SYNE2: variants seen among roughly 807,000 people sequenced by gnomAD.
SYNE2 encodes nesprin-2.
A neutral mutation model predicts 856.3 loss-of-function variants in SYNE2; 431 were observed. The ratio of observed to expected loss-of-function variants is 0.50; its 90% CI spans 0.47 to 0.55. The LOEUF is 0.55. Ranked by LOEUF, SYNE2 falls within the 20% of genes least tolerant of loss-of-function variation. SYNE2 has a pLI of 0.00. For missense variants in SYNE2, 8,129 were observed against 8,023.2 expected, an observed-to-expected ratio of 1.01 and a Z score of -0.50; for synonymous variants, 2,923 against 2,872.3, an observed-to-expected ratio of 1.02 and a Z score of -0.56.
Position 64,170,212 on chromosome 14 carries a change from ATT to A in SYNE2, c.17001-14_17001-13del. 6.2e-7 allele frequency: 1 copy of A among 1,611,486 alleles called. No individual in the cohort carries two copies. Among genetic ancestry groups the A allele is most frequent in the Non-Finnish European group, 8.5e-7 (1 of 1,178,440 alleles). ...ATGTCGATGTCTGGATTCTATAACC[ATT>A]TGTTTTTCCCCAGACCAGAATTTAT... On this transcript the variant is annotated splice_polypyrimidine_tract_variant and intron_variant, in intron 93 of 115. Transcript: ENST00000555002.
upstream of SYNE2, among the ~76,000 whole-genome samples, chr14:63,848,941 A>T (rs1322706155): frequency 6.6e-6 from 1 of 152,210 alleles, no homozygotes; most frequent in African/African-American, 2.4e-5. Flanking sequence ...GCAATACACA[A>T]CTTGCATCTT....
intron 32 of SYNE2, 72 bp downstream of exon 32, chr14:64,010,188 T>C (rs1363768140): frequency 2.7e-6 from 4 of 1,463,532 alleles, no homozygotes; most frequent in Non-Finnish European, 3.8e-6. Context: ...AGAGATATTA[T>C]AGATTAAGTC....
intron 1 of SYNE2, among the ~76,000 whole-genome samples, chr14:63,813,176 CCA>C (rs756515997): frequency 3.3e-5 from 5 of 152,116 alleles, no homozygotes; most frequent in Non-Finnish European, 5.9e-5. Flanking sequence ...ATAAAATCAA[CCA>C]CTATTCTTGC....
intron 109 of SYNE2, 103 bp from the exon 110 acceptor site, chr14:64,219,105 T>G (rs933663257): frequency 8.2e-6 from 2 of 243,122 alleles, no homozygotes; most frequent in African/African-American, 7.8e-5. Context: ...AGTTTTTTTG[T>G]TTTTTTTTTT....
intron 19 of SYNE2, among the ~76,000 whole-genome samples, chr14:63,988,345 T>G (rs1271587581): frequency 6.6e-6 from 1 of 152,246 alleles, no homozygotes; most frequent in Non-Finnish European, 1.5e-5. Context: ...CTCAAAGTGC[T>G]GGGATTGTAG....
intron 99 of SYNE2, chr14:64,190,789 G>A (rs1161730621): frequency 1.5e-6 from 1 of 659,160 alleles, no homozygotes; most frequent in Non-Finnish European, 2.8e-6. Flanking sequence ...TAAATCAAAG[G>A]ACCACAAATC....
intron 115 of SYNE2, 108 bp from the exon 116 acceptor site, chr14:64,225,211 T>C: frequency 6.3e-7 from 1 of 1,585,394 alleles, no homozygotes; most frequent in Non-Finnish European, 8.7e-7. Context: ...TGGCCCTATT[T>C]AAATCTCAGG....
rs34947861 is a variant in SYNE2 at position 63,841,832 on chromosome 14, C to CTTTTTTTTTTTTTTTTTTTTTT, written c.-304-10651_-304-10650insTTTTTTTTTTTTTTTTTTTTTT. Among the ~76,000 whole-genome samples, 4 of 115,082 alleles carry CTTTTTTTTTTTTTTTTTTTTTT rather than the reference C, an allele frequency of 3.5e-5. 1 individual carries two copies. Among genetic ancestry groups the CTTTTTTTTTTTTTTTTTTTTTT allele is most frequent in the Admixed American group, 1.0e-4 (1 of 9,570 alleles). The allele number at this position is 115,082 out of a possible 152,430, so 75.5% of individuals were successfully genotyped here. ...CATTTTTCTTTTTCTTTCTTTCTTTCTTTTTTTTTTTTTTTTTTGAGACAT... is the reference window on the plus strand; with the variant it reads ...CATTTTTCTTTTTCTTTCTTTCTTTCTTTTTTTTTTTTTTTTTTTTTTTTTTTTTTTTTTTTTTTTGAGACAT... On this transcript the variant is annotated intron_variant, in intron 1 of 23. Transcript: ENST00000674003.
chr14:63,984,348 C>T (rs2096609240), intron 18 of SYNE2, among the ~76,000 whole-genome samples: 1 of 152,124 alleles, frequency 6.6e-6, no homozygotes, highest in South Asian at 2.1e-4. Flanking sequence ...AAATGTTTTC[C>T]CTTATGAAGT....
chr14:63,949,754 G>T, intron 6 of SYNE2, 71 bp from the exon 7 acceptor site: 1 of 1,525,050 alleles, frequency 6.6e-7, no homozygotes, highest in Non-Finnish European at 9.1e-7. Flanking sequence ...TCTCTATTTT[G>T]ACTGGAAATT....
intron 52 of SYNE2, among the ~76,000 whole-genome samples, chr14:64,072,162 A>G (rs867241715): frequency 3.3e-4 from 51 of 152,244 alleles, no homozygotes; most frequent in African/African-American, 1.1e-3. Context: ...GCCAGAATCT[A>G]TATTTTCATC....
chr14:63,924,834 G>GTTTTTTTT (rs1160819887), intron 2 of SYNE2, among the ~76,000 whole-genome samples: 40 of 56,450 alleles, frequency 7.1e-4, no homozygotes, highest in East Asian at 1.7e-3. Context: ...CAGCCTTGGT[G>GTTTTTTTT]TTTTTTTTTT....
intron 74 of SYNE2, among the ~76,000 whole-genome samples, chr14:64,129,165 G>C (rs1208549759): frequency 1.3e-5 from 2 of 152,174 alleles, no homozygotes; most frequent in Admixed American, 6.5e-5. Flanking sequence ...AAATTAGCCA[G>C]GTGCAGTGGC....
chr14:63,834,396 C>G (rs999163637), intron 1 of SYNE2, among the ~76,000 whole-genome samples: 1 of 151,908 alleles, frequency 6.6e-6, no homozygotes, highest in African/African-American at 2.4e-5. Context: ...GAAAATTCAT[C>G]CTTGGGTTAT....
intron 57 of SYNE2, chr14:64,084,884 G>T: frequency 1.4e-6 from 1 of 696,866 alleles, no homozygotes; most frequent in Non-Finnish European, 2.6e-6. Context: ...GGCTCGACTT[G>T]TGTGAGGGAG....
At chr14:64,175,176 A>G in intron 95 of SYNE2, 38 bp downstream of exon 95, 4 of 1,606,688 alleles carry the variant, frequency 2.5e-6, no homozygotes, top group South Asian at 2.2e-5. Flanking sequence ...ATGATATTCA[A>G]ATTCAGTACA....
At chr14:64,030,086 G>T in intron 44 of SYNE2, 27 bp downstream of exon 44, 1 of 1,610,350 alleles carries the variant, frequency 6.2e-7, no homozygotes, top group South Asian at 1.1e-5. Context: ...AGACATGATA[G>T]ACATTTAAAA....
intron 11 of SYNE2, among the ~76,000 whole-genome samples, chr14:63,969,619 G>A (rs909781855): frequency 2.0e-5 from 3 of 152,018 alleles, no homozygotes; most frequent in African/African-American, 7.2e-5. Flanking sequence ...AGGATTACAG[G>A]CATGAGCCAC....
chr14:64,087,394 A>C (rs1449151624), intron 57 of SYNE2: 1 of 599,680 alleles, frequency 1.7e-6, no homozygotes, highest in Non-Finnish European at 3.3e-6. Flanking sequence ...AATAAAAGAC[A>C]CTTCTCTCTC....
Sources: gnomAD v4.1 joint callset for allele counts (sites outside exome capture counted in the v4.1 genomes callset) on GRCh38, gnomAD v4.1.1 for gene constraint, MANE v1.5 for transcripts, NCBI Gene and HGNC (gene_info 2026-07-23, HGNC 2026-07-21) for gene names.